The following AGBL4 variants were observed in gnomAD, a reference collection of about 807,000 sequenced individuals.
The protein encoded by AGBL4 is AGBL carboxypeptidase 4, also known as cytosolic carboxypeptidase 6.
Under a neutral mutation model 66.4 loss-of-function variants are expected in AGBL4, and 58 were observed. That is an observed-to-expected ratio of 0.87 (90% confidence interval 0.71 to 1.09). The LOEUF is 1.09. Ranked by LOEUF, AGBL4 falls within the 50% of genes least tolerant of loss-of-function variation. AGBL4 has a pLI of 0.00. For missense variants in AGBL4, 579 were observed against 631.0 expected (o/e 0.92, Z 0.88); for synonymous variants, 234 against 222.9 (o/e 1.05, Z -0.44).
intron 5 of AGBL4, among the ~76,000 whole-genome samples, chr1:48,943,022 T>C (rs1040564178): frequency 2.0e-5 from 3 of 152,230 alleles, no homozygotes; most frequent in Non-Finnish European, 4.4e-5. Context: ...CCCTTTATCG[T>C]AGTTATTTCC....
chr1:48,588,847 GAAGA>G (rs1339654536), intron 10 of AGBL4, among the ~76,000 whole-genome samples: 118 of 151,688 alleles, frequency 7.8e-4, no homozygotes, highest in African/African-American at 2.0e-3. Flanking sequence ...GAAGAGAAGA[GAAGA>G]GAAGAGAAGG....
chr1:49,254,976 T>G (rs557879088), intron 3 of AGBL4, among the ~76,000 whole-genome samples: 9 of 152,192 alleles, frequency 5.9e-5, no homozygotes, highest in African/African-American at 2.2e-4. Context: ...AAGATTGAAA[T>G]TGGACCCCTT....
chr1:49,161,500 T>A (rs1646541492), intron 4 of AGBL4, among the ~76,000 whole-genome samples: 1 of 152,208 alleles, frequency 6.6e-6, no homozygotes, highest in Non-Finnish European at 1.5e-5. Context: ...TATTCAGCCA[T>A]CTTGCCAGCA....
chr1:49,879,648 C>A (rs1647152241), intron 1 of AGBL4, among the ~76,000 whole-genome samples: 1 of 145,864 alleles, frequency 6.9e-6, no homozygotes. Context: ...CTTGGAGTTG[C>A]TCTTCTCGAG....
intron 3 of AGBL4, among the ~76,000 whole-genome samples, chr1:49,248,025 C>T (rs1374505071): frequency 2.0e-5 from 3 of 152,120 alleles, no homozygotes; most frequent in Non-Finnish European, 4.4e-5. Context: ...TTACCATTCC[C>T]TGTTCAAGTA....
intron 3 of AGBL4, chr1:49,691,660 G>T (rs1048838149): frequency 6.6e-6 from 1 of 152,160 alleles, no homozygotes; most frequent in Non-Finnish European, 1.5e-5. Flanking sequence ...TATTAATCCT[G>T]GGTGTGTCTG....
chr1:49,258,491 G>C (rs939208446), intron 3 of AGBL4, among the ~76,000 whole-genome samples: 2 of 152,114 alleles, frequency 1.3e-5, no homozygotes, highest in Admixed American at 1.3e-4. Context: ...GCCAAGGCTC[G>C]AGAACTACGT....
chr1:49,370,072 C>A (rs1373538452), intron 3 of AGBL4, among the ~76,000 whole-genome samples: 1 of 147,748 alleles, frequency 6.8e-6, no homozygotes, highest in African/African-American at 2.5e-5. Flanking sequence ...CACACACACA[C>A]ACATATATAA....
intron 3 of AGBL4, among the ~76,000 whole-genome samples, chr1:49,684,455 T>C (rs1456491083): frequency 2.6e-5 from 4 of 152,172 alleles, no homozygotes; most frequent in African/African-American, 9.7e-5. Flanking sequence ...TTTTTAATTG[T>C]TCAGCAGTTA....
chr1:48,909,172 T>C (rs1557449829), intron 5 of AGBL4, among the ~76,000 whole-genome samples: 2 of 152,154 alleles, frequency 1.3e-5, no homozygotes, highest in Admixed American at 6.5e-5. Flanking sequence ...CAAGGTATCA[T>C]AGGGTTGAAG....
intron 5 of AGBL4, among the ~76,000 whole-genome samples, chr1:48,890,036 C>T (rs1650787972): frequency 1.3e-5 from 2 of 148,830 alleles, no homozygotes; most frequent in Admixed American, 1.3e-4. Context: ...CAGGTGTGTA[C>T]CTATGGTATA....
At chr1:49,152,395 G>C (rs918254892) in intron 4 of AGBL4, among the ~76,000 whole-genome samples, 2 of 152,156 alleles carry the variant, frequency 1.3e-5, no homozygotes, top group Admixed American at 6.5e-5. Context: ...TGTGGTTTCA[G>C]AGATGAATAA....
intron 2 of AGBL4, among the ~76,000 whole-genome samples, chr1:49,720,911 A>G (rs1648552856): frequency 6.6e-6 from 1 of 152,142 alleles, no homozygotes; most frequent in South Asian, 2.1e-4. Flanking sequence ...CATATGTCAA[A>G]CGAAAGAAGG....
chr1:49,089,927 T>C (rs1644973492), intron 4 of AGBL4, among the ~76,000 whole-genome samples: 1 of 152,192 alleles, frequency 6.6e-6, no homozygotes, highest in Non-Finnish European at 1.5e-5. Context: ...ATCCCTAGGA[T>C]GCAAGGTTGG....
At chr1:49,585,030 G>C (rs1644621538) in intron 3 of AGBL4, among the ~76,000 whole-genome samples, 1 of 152,154 alleles carries the variant, frequency 6.6e-6, no homozygotes, top group South Asian at 2.1e-4. Flanking sequence ...TCTTAAAAGT[G>C]TATATTCAAT....
At chr1:48,619,570 C>G (rs1484897405) in intron 9 of AGBL4, among the ~76,000 whole-genome samples, 1 of 152,170 alleles carries the variant, frequency 6.6e-6, no homozygotes, top group Middle Eastern at 3.2e-3. Context: ...CCACCCATGC[C>G]AGGAGGCCGA....
intron 5 of AGBL4, among the ~76,000 whole-genome samples, chr1:48,868,137 G>A (rs1648291494): frequency 6.6e-6 from 1 of 152,124 alleles, no homozygotes; most frequent in Non-Finnish European, 1.5e-5. Flanking sequence ...AATAGTATTG[G>A]AAATCTCTGT....
intron 2 of AGBL4, among the ~76,000 whole-genome samples, chr1:49,800,757 G>T (rs1413225682): frequency 1.0e-5 from 1 of 100,444 alleles, no homozygotes; most frequent in African/African-American, 3.9e-5. Flanking sequence ...TCTTAATCCA[G>T]TCTATCATTG....
intron 2 of AGBL4, among the ~76,000 whole-genome samples, chr1:49,720,956 T>C (rs1289946909): frequency 2.6e-5 from 4 of 151,966 alleles, no homozygotes; most frequent in African/African-American, 9.7e-5. Flanking sequence ...CACAGAGTAA[T>C]AATGAGAGGC....
Sources: gnomAD v4.1 joint callset for allele counts (sites outside exome capture counted in the v4.1 genomes callset) on GRCh38, gnomAD v4.1.1 for gene constraint, MANE v1.5 for transcripts, NCBI Gene and HGNC (gene_info 2026-07-23, HGNC 2026-07-21) for gene names.